Variants in SENP7 observed in about 807,000 individuals in gnomAD.
SENP7 encodes the protein sentrin-specific protease 7.
Under a neutral mutation model 141.2 loss-of-function variants are expected in SENP7, and 64 were observed. The ratio of observed to expected loss-of-function variants is 0.45; its 90% CI spans 0.37 to 0.56. The LOEUF is 0.56. SENP7 is among the 20% of genes least tolerant of loss of function. The pLI, the probability that SENP7 is intolerant of heterozygous loss-of-function variation, is 0.00. For missense variants in SENP7, 1,025 were observed against 1,212.2 expected, an observed-to-expected ratio of 0.85 and a Z score of 2.29; for synonymous variants, 382 against 426.4, an observed-to-expected ratio of 0.90 and a Z score of 1.28.
intron 2 of SENP7, among the ~76,000 whole-genome samples, chr3:101,496,429 T>C (rs1267110997): frequency 6.6e-6 from 1 of 152,130 alleles, no homozygotes; most frequent in African/African-American, 2.4e-5. Flanking sequence ...CTAATTTTTT[T>C]ATTTTTTGCA....
In SENP7 at chr3:101,509,806, C is replaced by T. The variant is rs551827041; in HGVS notation, c.40+3285G>A. Among the ~76,000 whole-genome samples the T allele has an allele frequency of 2.0e-5, 3 of 152,300 alleles. No individual in the cohort carries two copies. In the South Asian group the frequency reaches 6.2e-4, roughly 32 times the overall value. On this transcript the variant is annotated intron_variant, in intron 1 of 23. Transcript: ENST00000394095. ...AAACTATAGATTTTGTAATTAGAGA[C>T]CACATTTTGAATTCTGTTCCTTACT...
intron 1 of SENP7, among the ~76,000 whole-genome samples, chr3:101,510,070 T>C (rs1287591086): frequency 6.6e-6 from 1 of 152,204 alleles, no homozygotes; most frequent in Non-Finnish European, 1.5e-5. Context: ...ACTTGACGTT[T>C]CCTATTTTGA....
chr3:101,494,210 T>C (rs781603120), intron 2 of SENP7, among the ~76,000 whole-genome samples: 2 of 152,240 alleles, frequency 1.3e-5, no homozygotes, highest in Non-Finnish European at 2.9e-5. Flanking sequence ...TATTCTCTTG[T>C]CTGCTGTCTC....
intron 6 of SENP7, among the ~76,000 whole-genome samples, chr3:101,372,993 A>G (rs894205441): frequency 1.3e-5 from 2 of 152,050 alleles, no homozygotes; most frequent in African/African-American, 2.4e-5. Flanking sequence ...GGCAACTAGT[A>G]TAAGTCAAAA....
intron 8 of SENP7, among the ~76,000 whole-genome samples, chr3:101,367,442 GCTA>G (rs1001675300): frequency 2.0e-3 from 297 of 151,888 alleles, no homozygotes; most frequent in African/African-American, 6.6e-3. Context: ...TAAGTAAATT[GCTA>G]CTGATAAAAT....
At chr3:101,424,460 T>C (rs2061890482) in intron 4 of SENP7, among the ~76,000 whole-genome samples, 1 of 151,942 alleles carries the variant, frequency 6.6e-6, no homozygotes, top group Admixed American at 6.5e-5. Context: ...CTGACCACCA[T>C]TGCAGTGCAA....
intron 1 of SENP7, among the ~76,000 whole-genome samples, chr3:101,504,544 C>T (rs1255538027): frequency 6.6e-6 from 1 of 151,906 alleles, no homozygotes; most frequent in Non-Finnish European, 1.5e-5. Context: ...CTCAAGTTGA[C>T]TACCAAAAAT....
intron 3 of SENP7, among the ~76,000 whole-genome samples, chr3:101,484,854 T>G (rs2064659098): frequency 6.6e-6 from 1 of 152,158 alleles, no homozygotes; most frequent in South Asian, 2.1e-4. Flanking sequence ...TTTCTAACCA[T>G]TTGAACGGGG....
intron 20 of SENP7, among the ~76,000 whole-genome samples, chr3:101,329,409 G>C (rs570374690): frequency 6.6e-6 from 1 of 152,000 alleles, no homozygotes; most frequent in Non-Finnish European, 1.5e-5. Context: ...GCCTTCCTCC[G>C]TAAGAAGTGA....
At position 101,377,002 on chromosome 3, in the gene SENP7, A is replaced by G. The variant is rs576165218; in HGVS notation, c.678-4876T>C. Among the ~76,000 whole-genome samples, 8 of 152,328 alleles carry G rather than the reference A, an allele frequency of 5.3e-5. 1 individual carries two copies. Among genetic ancestry groups the G allele is most frequent in the African/African-American group, 1.9e-4 (8 of 41,586 alleles). ...ACAACCATCAGAAGAAAAACACTAT[A>G]TTTATTAGCCTTGTGGAAGAAGAAT... On this transcript the variant is annotated intron_variant, in intron 6 of 23. Coordinates refer to ENST00000394095, the MANE Select transcript of SENP7 (RefSeq NM_020654.5).
rs532655296 is a variant in SENP7, at chr3:101,445,547, C to A, written c.284+13408G>T. On this transcript the variant is annotated intron_variant, in intron 4 of 23. Transcript: ENST00000394095. ...GCTAACAAAATGACAAATGTCTTTA[C>A]ACTACCAATAACAACCTTACATGTA... Among the ~76,000 whole-genome samples, 96 of 152,090 alleles carry A rather than the reference C, an allele frequency of 6.3e-4. 1 individual carries two copies. The highest frequency in any genetic ancestry group is 1.2e-3 in the Non-Finnish European group (82 of 67,998).
At chr3:101,423,354 C>T (rs568425431) in intron 4 of SENP7, among the ~76,000 whole-genome samples, 3 of 152,286 alleles carry the variant, frequency 2.0e-5, no homozygotes, top group South Asian at 4.1e-4. Context: ...CAAAGAGATA[C>T]TGCTACACCT....
intron 1 of SENP7, among the ~76,000 whole-genome samples, chr3:101,508,379 G>T (rs1206124142): frequency 1.3e-5 from 2 of 152,024 alleles, no homozygotes; most frequent in Admixed American, 1.3e-4. Flanking sequence ...GGCAGATCAC[G>T]AGGTCAGGAG....
intron 4 of SENP7, among the ~76,000 whole-genome samples, chr3:101,440,476 T>G (rs560947272): frequency 0.014 from 1,705 of 123,528 alleles, 6 homozygotes; most frequent in Non-Finnish European, 0.023. Flanking sequence ...CCAGAGACCT[T>G]TGTTCACTTG....
chr3:101,430,486 T>G (rs931727151), intron 4 of SENP7, among the ~76,000 whole-genome samples: 2 of 152,344 alleles, frequency 1.3e-5, no homozygotes, highest in Non-Finnish European at 2.9e-5. Flanking sequence ...GAAGTGTTTA[T>G]AGTATTCTCT....
chr3:101,404,920 C>A (rs1485364853), intron 5 of SENP7, among the ~76,000 whole-genome samples: 1 of 152,178 alleles, frequency 6.6e-6, no homozygotes, highest in Non-Finnish European at 1.5e-5. Context: ...AGAAGACAGC[C>A]ATCTACAAGC....
intron 5 of SENP7, among the ~76,000 whole-genome samples, chr3:101,411,233 G>T (rs2061449489): frequency 6.6e-6 from 1 of 152,008 alleles, no homozygotes; most frequent in Non-Finnish European, 1.5e-5. Context: ...ACAATAAATG[G>T]AATATCACTT....
intron 5 of SENP7, among the ~76,000 whole-genome samples, chr3:101,406,830 G>T (rs994953965): frequency 8.5e-5 from 13 of 152,214 alleles, no homozygotes; most frequent in Non-Finnish European, 1.8e-4. Flanking sequence ...AAAAGCACCA[G>T]GTAACCTGTA....
At chr3:101,481,175 T>C (rs1235465083) in intron 3 of SENP7, among the ~76,000 whole-genome samples, 1 of 151,784 alleles carries the variant, frequency 6.6e-6, no homozygotes, top group Non-Finnish European at 1.5e-5. Context: ...TTCAATAAGA[T>C]ACATACACTC....
Sources: gnomAD v4.1 joint callset for allele counts (sites outside exome capture counted in the v4.1 genomes callset) on GRCh38, gnomAD v4.1.1 for gene constraint, MANE v1.5 for transcripts, NCBI Gene and HGNC (gene_info 2026-07-23, HGNC 2026-07-21) for gene names.